STK3: variants seen among roughly 807,000 people sequenced by gnomAD.
STK3 encodes serine/threonine kinase 3, also known as serine/threonine-protein kinase 3.
A neutral mutation model predicts 58.0 loss-of-function variants in STK3; 41 were observed. The ratio of observed to expected loss-of-function variants is 0.71; its 90% CI spans 0.55 to 0.92. The LOEUF (loss-of-function observed/expected upper bound fraction) is 0.92. Ranked by LOEUF, STK3 falls within the 40% of genes least tolerant of loss-of-function variation. The probability of loss-of-function intolerance (pLI) is 0.00; values close to 1 mark genes in which losing one functional copy is unlikely to be tolerated. For synonymous variants in STK3, 170 were observed against 191.0 expected (o/e 0.89, Z 0.91); for missense variants, 479 against 602.7 (o/e 0.79, Z 2.15).
chr8:98,351,328 G>T, the STK3 span, among the ~76,000 whole-genome samples: 2 of 152,180 alleles, frequency 1.3e-5, no homozygotes, highest in African/African-American at 4.8e-5. Flanking sequence ...CCTGACAATG[G>T]AGACATAGTA....
At chr8:98,397,447 G>A (rs909190664), downstream of STK3, among the ~76,000 whole-genome samples, 1 of 151,972 alleles carries the variant, frequency 6.6e-6, no homozygotes, top group Non-Finnish European at 1.5e-5. Flanking sequence ...GAGGTGGGAG[G>A]ATCACTTGAG....
chr8:98,569,977 A>G, intron 8 of STK3, among the ~76,000 whole-genome samples: 1 of 149,508 alleles, frequency 6.7e-6, no homozygotes, highest in South Asian at 2.1e-4. Flanking sequence ...ATACAAATAT[A>G]CATATCTATA....
At chr8:98,426,780 T>C (rs1818239275) in intron 3 of STK3, among the ~76,000 whole-genome samples, 1 of 151,798 alleles carries the variant, frequency 6.6e-6, no homozygotes, top group Admixed American at 6.5e-5. Flanking sequence ...GTGGTGATAA[T>C]AACAGCTGTC....
At chr8:98,672,445 C>T (rs1769846098) in intron 6 of STK3, among the ~76,000 whole-genome samples, 1 of 152,140 alleles carries the variant, frequency 6.6e-6, no homozygotes, top group Non-Finnish European at 1.5e-5. Flanking sequence ...TCTATAGAAT[C>T]ATATATCTGA....
chr8:98,882,942 T>G (rs1290342446), downstream of STK3: 5 of 152,228 alleles, frequency 3.3e-5, no homozygotes, highest in Admixed American at 1.3e-4. Context: ...AAGCCTTATC[T>G]GGGAACCACA....
chr8:98,894,933 T>C (rs945549569), intron 1 of STK3, among the ~76,000 whole-genome samples: 1 of 152,176 alleles, frequency 6.6e-6, no homozygotes, highest in Non-Finnish European at 1.5e-5. Flanking sequence ...AACGAATGGA[T>C]AGGAACTCAT....
chr8:98,566,111 C>T (rs1812460416), intron 8 of STK3, among the ~76,000 whole-genome samples: 1 of 152,130 alleles, frequency 6.6e-6, no homozygotes, highest in South Asian at 2.1e-4. Context: ...ACATTCTCAT[C>T]AGACAAGCTT....
intron 3 of STK3, among the ~76,000 whole-genome samples, chr8:98,841,036 A>G (rs1417635151): frequency 1.3e-5 from 2 of 152,246 alleles, no homozygotes; most frequent in Admixed American, 1.3e-4. Context: ...GGTCCCAGCC[A>G]TGTGGCCGTC....
chr8:98,497,704 C>G (rs1384170252), intron 10 of STK3, among the ~76,000 whole-genome samples: 1 of 152,136 alleles, frequency 6.6e-6, no homozygotes, highest in Non-Finnish European at 1.5e-5. Flanking sequence ...TGCTCAACAT[C>G]ATCAGCTATT....
intron 6 of STK3, among the ~76,000 whole-genome samples, chr8:98,701,907 ACTTACTC>A (rs1254184344): frequency 6.6e-6 from 1 of 152,188 alleles, no homozygotes; most frequent in Non-Finnish European, 1.5e-5. Context: ...TTCTGATTAG[ACTTACTC>A]CCATTTGCCA....
chr8:98,689,946 T>C (rs534335122), intron 6 of STK3, among the ~76,000 whole-genome samples: 3 of 152,136 alleles, frequency 2.0e-5, no homozygotes, highest in East Asian at 3.9e-4. Context: ...ACAAAAACCA[T>C]ATAATCATCT....
At chr8:98,871,087 T>C (rs538551003) in intron 3 of STK3, among the ~76,000 whole-genome samples, 2 of 152,338 alleles carry the variant, frequency 1.3e-5, no homozygotes, top group Non-Finnish European at 2.9e-5. Context: ...CCAGCACCAT[T>C]TATTAAATAG....
chr8:98,858,323 T>TATATATATATATAGAGAGAGAG (rs1189807446), intron 3 of STK3, among the ~76,000 whole-genome samples: 3 of 16,276 alleles, frequency 1.8e-4, no homozygotes, highest in African/African-American at 2.3e-4. Context: ...TATATATATA[T>TATATATATATATAGAGAGAGAG]AGAGAGAGAG....
rs1435684303 is a variant in STK3, at chr8:98,665,916, G to A, written c.684+40551C>T. Among the ~76,000 whole-genome samples the A allele has an allele frequency of 2.0e-5, 3 of 151,788 alleles. No homozygotes were observed. In the East Asian group the frequency reaches 5.8e-4, roughly 30 times the overall value. ...GACAGGGTTTCACCATGTTAGCCAG[G>A]ATGGTCTCGATCTCCTGACCTCGTG... On this transcript the variant is annotated intron_variant, in intron 6 of 10. Coordinates refer to ENST00000419617, the MANE Select transcript of STK3 (RefSeq NM_006281.4).
At position 98,747,317 on chromosome 8, in the gene STK3, AG is replaced by A. The variant is rs1273672980; in HGVS notation, c.351+1958del. Among the ~76,000 whole-genome samples, 3 of 152,214 alleles carry A rather than the reference AG, an allele frequency of 2.0e-5. No individual in the cohort carries two copies. In the East Asian group the frequency reaches 5.8e-4, roughly 29 times the overall value. ...TATACAGAATTTAAAGAAACAAAGCAGATCACAAAAAAAACAACAGACCATA... is the reference window on the plus strand; with the variant it reads ...TATACAGAATTTAAAGAAACAAAGCAATCACAAAAAAAACAACAGACCATA... On this transcript the variant is annotated intron_variant, in intron 4 of 10. Coordinates refer to ENST00000419617, the MANE Select transcript of STK3 (RefSeq NM_006281.4).
the STK3 span, among the ~76,000 whole-genome samples, chr8:98,349,615 C>T: frequency 6.6e-6 from 1 of 152,224 alleles, no homozygotes; most frequent in African/African-American, 2.4e-5. Flanking sequence ...TACCTCACCC[C>T]AGCAGCAAAC....
At chr8:98,740,593 A>G (rs1462264290) in intron 4 of STK3, among the ~76,000 whole-genome samples, 2 of 152,214 alleles carry the variant, frequency 1.3e-5, no homozygotes, top group Non-Finnish European at 2.9e-5. Context: ...TCCTGAAGGA[A>G]GCAATAAACA....
chr8:98,354,794 T>C, the STK3 span, among the ~76,000 whole-genome samples: 3 of 152,200 alleles, frequency 2.0e-5, no homozygotes, highest in Admixed American at 6.5e-5. Context: ...TTTTTCTTTT[T>C]TGAGACGAAG....
chr8:98,629,627 T>C (rs1033878903), intron 6 of STK3, among the ~76,000 whole-genome samples: 2 of 152,216 alleles, frequency 1.3e-5, no homozygotes, highest in African/African-American at 4.8e-5. Flanking sequence ...AAGGTCCTAC[T>C]GTAATTTTCC....
Sources: gnomAD v4.1 joint callset for allele counts (sites outside exome capture counted in the v4.1 genomes callset) on GRCh38, gnomAD v4.1.1 for gene constraint, MANE v1.5 for transcripts, NCBI Gene and HGNC (gene_info 2026-07-23, HGNC 2026-07-21) for gene names.